The following DMWD variants were observed in gnomAD, a reference collection of about 807,000 sequenced individuals.
DMWD encodes DM1 locus, WD repeat containing.
Under a neutral mutation model 45.8 loss-of-function variants are expected in DMWD, and 19 were observed. The observed-to-expected ratio is 0.41, with a 90% confidence interval of 0.29 to 0.61. DMWD has a LOEUF of 0.61. Ranked by LOEUF, DMWD falls within the 20% of genes least tolerant of loss-of-function variation. The pLI, the probability that DMWD is intolerant of heterozygous loss-of-function variation, is 0.25. For synonymous variants in DMWD, 515 were observed against 440.5 expected (o/e 1.17, Z -2.12); for missense variants, 802 against 965.2 (o/e 0.83, Z 2.24).
rs11545326 is a variant in DMWD, at chr19:45,786,251, G to A, written c.1245C>T (p.Gly415=). 194,412 of 1,606,406 alleles carry A rather than the reference G, an allele frequency of 0.12. 12,757 individuals are homozygous for A. Among genetic ancestry groups the A allele is most frequent in the South Asian group, 0.14 (12,414 of 90,620 alleles). ...PEAAGTGSAG[G]APLSPLPKAG... ...CCTTGGGCAGTGGAGAGAGCGGGGCGCCCCCGGCCGAGCCTGTGCCCGCAG... is the reference window on the plus strand; with the variant it reads ...CCTTGGGCAGTGGAGAGAGCGGGGCACCCCCGGCCGAGCCTGTGCCCGCAG... Residue 415 remains glycine, a synonymous_variant, in exon 3 of 5, where the codon GGC becomes GGT. Transcript: ENST00000270223.
intron 1 of DMWD, among the ~76,000 whole-genome samples, chr19:45,791,740 T>C (rs1260381481): frequency 1.3e-5 from 2 of 152,012 alleles, no homozygotes; most frequent in Non-Finnish European, 2.9e-5. Flanking sequence ...GGGCCTCTCA[T>C]TCCCTTGAGA....
rs370465801 is a variant in DMWD, at chr19:45,784,762, A to T, written c.1903-47T>A. The T allele has an allele frequency of 1.9e-6, 3 of 1,598,796 alleles. No homozygotes were observed. In the East Asian group the frequency reaches 6.7e-5, roughly 36 times the overall value. On this transcript the variant is annotated intron_variant, in intron 3 of 4. Coordinates refer to ENST00000270223, the MANE Select transcript of DMWD (RefSeq NM_004943.2). ...TTTTAGGACTCAACCAGACTCCCCA[A>T]ATCCCACCACTCTTGCCTCTGAGTC...
chr19:45,792,583 TGGCTGAGGC>T lies in DMWD; in HGVS notation c.165_173del (p.Gln60_Pro62del). 1 of 1,285,196 alleles carries T rather than the reference TGGCTGAGGC, an allele frequency of 7.8e-7. No homozygotes were observed. Among genetic ancestry groups the T allele is most frequent in the Non-Finnish European group, 1.0e-6 (1 of 1,000,286 alleles). 79.6% of individuals were successfully genotyped at this position (1,285,196 alleles called of 1,614,324 possible). A position where few individuals can be genotyped will look rare whatever the true frequency, so the allele number is the denominator to read the frequency against. ...AGGCAGGGCCGGGCGGGGGCTGCGG[TGGCTGAGGC>T]GGCACCGGAGTCTGGGCGGAAGCCG... On this transcript the variant is annotated inframe_deletion, in exon 1 of 5. Transcript: ENST00000270223.
intron 1 of DMWD, among the ~76,000 whole-genome samples, 200 bp downstream of exon 1, chr19:45,792,116 C>A (rs2146276240): frequency 6.6e-6 from 1 of 152,264 alleles, no homozygotes; most frequent in South Asian, 2.1e-4. Context: ...CCCATCACCT[C>A]CAAGATGCCT....
rs1970351599 is a variant in DMWD at position 45,791,087 on chromosome 19, A to C, written c.442T>G (p.Ser148Ala). The change falls in exon 2 of 5, where the codon TCC becomes GCC. Residue 148 changes from serine (S) to alanine (A), a missense_variant and splice_region_variant. Coordinates refer to ENST00000270223, the MANE Select transcript of DMWD (RefSeq NM_004943.2). ...TCAATTGGCTTGTTGAGGTCAATGG[A>C]CTTGAGGGGTGGGAGAAAAGGAGTT... ...PGCCRRGSQR[S>A]IDLNKPIDKR... 1 of 1,606,082 alleles carries C rather than the reference A, an allele frequency of 6.2e-7. No individual in the cohort carries two copies. The highest frequency in any genetic ancestry group is 1.7e-5 in the Admixed American group (1 of 58,310).
intron 3 of DMWD, among the ~76,000 whole-genome samples, chr19:45,785,016 G>A (rs1015227429): frequency 9.2e-5 from 14 of 152,166 alleles, no homozygotes; most frequent in Non-Finnish European, 1.5e-5. Context: ...TCCACCCACT[G>A]CCCATCCTAC....
In DMWD at chr19:45,786,385, C is replaced by T; in HGVS notation, c.1111G>A (p.Val371Ile). 1 of 1,613,228 alleles carries T rather than the reference C, an allele frequency of 6.2e-7. No individual in the cohort carries two copies. The part of the protein sequence containing the change: ...VARGHGHKSW[V>I]NAVAFDPYTT... Reference sequence around the variant, plus strand: ...TAGGGGTCAAAGGCCACAGCGTTGACCCAGGACTTGTGGCCATGGCCTCGA... The same window carrying T: ...TAGGGGTCAAAGGCCACAGCGTTGATCCAGGACTTGTGGCCATGGCCTCGA... The change falls in exon 3 of 5, where the codon GTC becomes ATC. Residue 371 changes from valine (V) to isoleucine (I), a missense_variant. Val to Ile is a conservative substitution (Grantham distance 29, BLOSUM62 3). Coordinates refer to ENST00000270223, the MANE Select transcript of DMWD (RefSeq NM_004943.2).
At position 45,784,699 on chromosome 19, in the gene DMWD, G is replaced by T; in HGVS notation, c.1919C>A (p.Thr640Asn). The change falls in exon 4 of 5, where the codon ACC becomes AAC. Residue 640 changes from threonine (T) to asparagine (N), a missense_variant. By Grantham distance (65) the Thr-to-Asn change is moderately conservative. Around this residue, in one of 9 missense-constraint regions of DMWD, gnomAD observed 303 missense variants for 332.9 expected, o/e 0.91. Transcript: ENST00000270223. The stretch of plus-strand genomic sequence containing the variant: ...ACTTCCTTCCCCTGTCTGGGCCTCG[G>T]TCTCCTCGTCTGTGAACTACGGAGA... ...RPGKAFTDEETEAQTGEGSWP... is the reference protein window; with the variant it reads ...RPGKAFTDEENEAQTGEGSWP... The T allele has an allele frequency of 3.1e-6, 5 of 1,613,634 alleles. No individual in the cohort carries two copies. The highest frequency in any genetic ancestry group is 4.2e-6 in the Non-Finnish European group (5 of 1,179,676).
At chr19:45,784,842 G>C (rs756593502) in intron 3 of DMWD, 127 bp from the exon 4 acceptor site, 1 of 1,422,656 alleles carries the variant, frequency 7.0e-7, no homozygotes, top group Non-Finnish European at 9.3e-7. Context: ...TTCCAAAACT[G>C]AGGATCTGAG....
At chr19:45,790,163 T>C (rs1201656732) in intron 2 of DMWD, 4 of 135,956 alleles carry the variant, frequency 2.9e-5, no homozygotes, top group Non-Finnish European at 4.7e-5. Context: ...AAAAAAAAAT[T>C]AGCCAGGTAT....
At chr19:45,791,294 G>A (rs114952745) in intron 1 of DMWD, among the ~76,000 whole-genome samples, 3,959 of 152,042 alleles carry the variant, frequency 0.026, 171 homozygotes, top group African/African-American at 0.09. Context: ...AAGATGGTAA[G>A]GATCCCCCTT....
At position 45,791,076 on chromosome 19, in the gene DMWD, G is replaced by A. The variant is rs1970351322; in HGVS notation, c.453C>T (p.Leu151=). 1 of 1,610,366 alleles carries A rather than the reference G, an allele frequency of 6.2e-7. No homozygotes were observed. Among genetic ancestry groups the A allele is most frequent in the Non-Finnish European group, 8.5e-7 (1 of 1,177,992 alleles). The change falls in exon 2 of 5, where the codon CTC becomes CTT. Residue 151 remains leucine (L), a synonymous_variant. Transcript: ENST00000270223. ...CRRGSQRSID[L]NKPIDKRIYK... is the part of the protein sequence containing the mutation. ...AGATCCGCTTGTCAATTGGCTTGTT[G>A]AGGTCAATGGACTTGAGGGGTGGGA...
Position 45,792,586 on chromosome 19 carries a change from C to A in DMWD, c.171G>T (p.Gln57His). The change falls in exon 1 of 5, where the codon CAG (glutamine) becomes CAT (histidine). Residue 57 changes from glutamine to histidine, a missense_variant. Physicochemically the swap from Gln to His is conservative, Grantham distance 24. Around this residue, in one of 9 missense-constraint regions of DMWD, gnomAD observed 151 missense variants for 128.1 expected, o/e 1.18. Coordinates refer to ENST00000270223, the MANE Select transcript of DMWD (RefSeq NM_004943.2). ...PASAQTPVPP[Q>H]PPQPPPGPAS... Reference sequence around the variant, plus strand: ...CAGGGCCGGGCGGGGGCTGCGGTGGCTGAGGCGGCACCGGAGTCTGGGCGG... The same window carrying A: ...CAGGGCCGGGCGGGGGCTGCGGTGGATGAGGCGGCACCGGAGTCTGGGCGG... 7.7e-7 allele frequency: 1 copy of A among 1,292,712 alleles called. No individual in the cohort carries two copies. Among genetic ancestry groups the A allele is most frequent in the South Asian group, 1.8e-5 (1 of 56,704 alleles). The allele number at this position is 1,292,712 out of a possible 1,614,324, so 80.1% of individuals were successfully genotyped here.
intron 2 of DMWD, among the ~76,000 whole-genome samples, chr19:45,788,510 C>T (rs1970312435): frequency 6.6e-6 from 1 of 152,232 alleles, no homozygotes; most frequent in Admixed American, 6.5e-5. Flanking sequence ...CTTCCAGACT[C>T]TCCATGAGCC....
chr19:45,786,896 T>C, intron 2 of DMWD, 25 bp from the exon 3 acceptor site: 2 of 1,604,842 alleles, frequency 1.2e-6, no homozygotes, highest in Non-Finnish European at 1.7e-6. Context: ...AGTGTGGGGT[T>C]GGGAGAAGGC....
intron 3 of DMWD, chr19:45,785,229 CAA>C (rs1970254378): frequency 9.6e-7 from 1 of 1,042,334 alleles, no homozygotes; most frequent in African/African-American, 1.7e-5. Flanking sequence ...CTGAAGTACT[CAA>C]AAAAGTTTCA....
chr19:45,785,408 G>C, intron 3 of DMWD, 186 bp downstream of exon 3: 1 of 1,289,002 alleles, frequency 7.8e-7, no homozygotes, highest in African/African-American at 1.5e-5. Context: ...CTGCTGCCTA[G>C]GGCTAGACCC....
chr19:45,790,852 T>C (rs961350022), intron 2 of DMWD, 53 bp downstream of exon 2: 2 of 1,557,948 alleles, frequency 1.3e-6, no homozygotes, highest in Non-Finnish European at 1.7e-6. Context: ...TAATGGCATA[T>C]AGTGGGTAGG....
chr19:45,787,327 T>G, intron 2 of DMWD: 2 of 207,342 alleles, frequency 9.6e-6, no homozygotes, highest in Non-Finnish European at 2.0e-5. Context: ...CTCGTAAGAG[T>G]GCGAACCCCA....
Sources: gnomAD v4.1 joint callset for allele counts (sites outside exome capture counted in the v4.1 genomes callset) on GRCh38, gnomAD v4.1.1 for gene constraint, gnomAD v4.1.1 regional missense constraint, MANE v1.5 for transcripts, NCBI Gene and HGNC (gene_info 2026-07-23, HGNC 2026-07-21) for gene names.